Variants in ABCC4 observed in about 807,000 individuals in gnomAD.
The protein encoded by ABCC4 is ATP-binding cassette sub-family C member 4.
In ABCC4, 102 loss-of-function variants were observed where a neutral mutation model predicts 168.5. That is an observed-to-expected ratio of 0.61 (90% CI 0.52 to 0.71). ABCC4 has a LOEUF of 0.71. ABCC4 is among the 30% of genes least tolerant of loss of function. The pLI, the probability that ABCC4 is intolerant of heterozygous loss-of-function variation, is 0.00. For synonymous variants in ABCC4, 617 were observed against 590.7 expected (o/e 1.04, Z -0.65); for missense variants, 1,402 against 1,605.8 (o/e 0.87, Z 2.17).
At chr13:95,296,677 C>G (rs2041543880) in intron 1 of ABCC4, among the ~76,000 whole-genome samples, 1 of 152,174 alleles carries the variant, frequency 6.6e-6, no homozygotes, top group Admixed American at 6.6e-5. Context: ...CTCCACCCTG[C>G]TGCTGACCCC....
At position 95,125,377 on chromosome 13, in the gene ABCC4, C is replaced by T. The variant is rs866694293; in HGVS notation, c.2456-9376G>A. Among the ~76,000 whole-genome samples the T allele has an allele frequency of 2.6e-5, 4 of 152,182 alleles. No homozygotes were observed. In the South Asian group the frequency reaches 6.2e-4, roughly 24 times the overall value. On this transcript the variant is annotated intron_variant, in intron 19 of 30. Transcript: ENST00000645237. Reference sequence around the variant, plus strand: ...TTCTGATAGGCTACTGCCTGCTGTACTGGATGGTAAATACTTTGGCTATCA... The same window carrying T: ...TTCTGATAGGCTACTGCCTGCTGTATTGGATGGTAAATACTTTGGCTATCA...
At chr13:95,075,659 C>CT in intron 21 of ABCC4, 108 bp from the exon 22 acceptor site, 2 of 1,434,026 alleles carry the variant, frequency 1.4e-6, no homozygotes, top group Non-Finnish European at 1.9e-6. Context: ...CGCAGGCCTC[C>CT]TAGGAGGCTT....
At chr13:95,226,679 A>G (rs749472034) in intron 4 of ABCC4, among the ~76,000 whole-genome samples, 1 of 152,146 alleles carries the variant, frequency 6.6e-6, no homozygotes, top group Non-Finnish European at 1.5e-5. Flanking sequence ...ACCCTTGCCA[A>G]TCTGCCACTA....
chr13:95,215,675 G>A (rs920786690), intron 4 of ABCC4, among the ~76,000 whole-genome samples: 1 of 152,132 alleles, frequency 6.6e-6, no homozygotes, highest in African/African-American at 2.4e-5. Flanking sequence ...TTAAATTACA[G>A]ATCAACAATA....
intron 20 of ABCC4, among the ~76,000 whole-genome samples, chr13:95,084,330 A>C (rs1389916946): frequency 6.6e-6 from 1 of 152,210 alleles, no homozygotes; most frequent in Non-Finnish European, 1.5e-5. Flanking sequence ...CAGCCACTAC[A>C]TTTTAGCTTG....
At chr13:95,075,352 A>C in intron 22 of ABCC4, 80 bp downstream of exon 22, 1 of 1,583,842 alleles carries the variant, frequency 6.3e-7, no homozygotes, top group Non-Finnish European at 8.6e-7. Flanking sequence ...GCCTGCCAAC[A>C]AGCTCATCTG....
At position 95,074,305 on chromosome 13, in the gene ABCC4, C is replaced by T. The variant is rs375610264; in HGVS notation, c.2826G>A (p.Leu942=). 5.9e-4 allele frequency: 944 copies of T among 1,612,818 alleles called. 12 individuals are homozygous for T. In the South Asian group the frequency reaches 9.6e-3, roughly 16 times the overall value. ...DLHSEAWFLF[L]TTSRWFAVRL... ...GGACGGCAAACCAGCGGGACGTTGT[C>T]AAAAACAAGAACCAAGCCTCTGAAT... Residue 942 remains leucine, a synonymous_variant, in exon 23 of 31, where the codon TTG becomes TTA. Coordinates refer to ENST00000645237, the MANE Select transcript of ABCC4 (RefSeq NM_005845.5).
chr13:95,300,159 T>C (rs975928807), intron 1 of ABCC4, among the ~76,000 whole-genome samples: 3 of 152,166 alleles, frequency 2.0e-5, no homozygotes, highest in African/African-American at 7.2e-5. Flanking sequence ...TTTTAGTTAC[T>C]ACTGTCACCC....
intron 19 of ABCC4, among the ~76,000 whole-genome samples, chr13:95,143,514 T>A (rs1196887335): frequency 6.6e-6 from 1 of 152,218 alleles, no homozygotes; most frequent in African/African-American, 2.4e-5. Flanking sequence ...CTGTCTCCTT[T>A]CCCTCTTTCT....
chr13:95,182,859 G>A (rs781553288), intron 11 of ABCC4, among the ~76,000 whole-genome samples: 6 of 152,134 alleles, frequency 3.9e-5, no homozygotes, highest in Admixed American at 6.5e-5. Flanking sequence ...CCTGAGGTAT[G>A]TCCTGTCATT....
chr13:95,213,796 C>G (rs1346369687), intron 4 of ABCC4, among the ~76,000 whole-genome samples: 1 of 152,184 alleles, frequency 6.6e-6, no homozygotes, highest in African/African-American at 2.4e-5. Context: ...AGGGGCCAAT[C>G]TGCCAGGAAT....
At chr13:95,183,641 A>G (rs1474379959) in intron 11 of ABCC4, among the ~76,000 whole-genome samples, 2 of 152,248 alleles carry the variant, frequency 1.3e-5, no homozygotes, top group South Asian at 2.1e-4. Context: ...GGTCGTGCGC[A>G]GTGGCTCATG....
chr13:95,087,999 A>G (rs1265678501), intron 20 of ABCC4, among the ~76,000 whole-genome samples: 1 of 152,104 alleles, frequency 6.6e-6, no homozygotes, highest in Non-Finnish European at 1.5e-5. Flanking sequence ...GGATACATTA[A>G]TCACTCCTTT....
At position 95,274,403 on chromosome 13, in the gene ABCC4, C is replaced by T. The variant is rs528520311; in HGVS notation, c.75-26650G>A. ...CAAACCAACCAACCCAGAGCTATGC[C>T]GTCTTTATCTAGCCTGTCCACCCCA... On this transcript the variant is annotated intron_variant, in intron 1 of 30. Transcript: ENST00000645237. Among the ~76,000 whole-genome samples the T allele has an allele frequency of 1.8e-4, 28 of 152,278 alleles. No homozygotes were observed. In the South Asian group the frequency reaches 3.1e-3, roughly 17 times the overall value.
At chr13:95,092,162 A>G (rs1293333062) in intron 20 of ABCC4, among the ~76,000 whole-genome samples, 1 of 152,196 alleles carries the variant, frequency 6.6e-6, no homozygotes, top group East Asian at 1.9e-4. Flanking sequence ...AATTTATAAA[A>G]CAATTACTAA....
chr13:95,117,951 C>T (rs892057296), intron 19 of ABCC4, among the ~76,000 whole-genome samples: 6 of 152,074 alleles, frequency 3.9e-5, no homozygotes, highest in Non-Finnish European at 5.9e-5. Flanking sequence ...AAAAAGGCTA[C>T]ATAAATCATT....
intron 21 of ABCC4, among the ~76,000 whole-genome samples, chr13:95,079,258 G>A (rs1027476749): frequency 2.0e-5 from 3 of 152,160 alleles, no homozygotes; most frequent in African/African-American, 7.2e-5. Context: ...ATCAATAGCT[G>A]TGTTTTCCAC....
At chr13:95,065,755 G>A (rs151094112) in intron 25 of ABCC4, among the ~76,000 whole-genome samples, 6 of 152,292 alleles carry the variant, frequency 3.9e-5, no homozygotes, top group Admixed American at 1.3e-4. Flanking sequence ...CTACCCTCCA[G>A]AAATATGATA....
intron 30 of ABCC4, among the ~76,000 whole-genome samples, chr13:95,032,951 C>G (rs578188716): frequency 6.1e-5 from 9 of 148,046 alleles, no homozygotes; most frequent in Non-Finnish European, 1.2e-4. Flanking sequence ...CAGGTGTGAG[C>G]CATCACGCCT....
Sources: gnomAD v4.1 joint callset for allele counts (sites outside exome capture counted in the v4.1 genomes callset) on GRCh38, gnomAD v4.1.1 for gene constraint, MANE v1.5 for transcripts, NCBI Gene and HGNC (gene_info 2026-07-23, HGNC 2026-07-21) for gene names.